The following PDE4A variants were observed in gnomAD, a reference collection of about 807,000 sequenced individuals.
PDE4A encodes 3',5'-cyclic-AMP phosphodiesterase 4A.
A neutral mutation model predicts 73.9 loss-of-function variants in PDE4A; 21 were observed. The ratio of observed to expected loss-of-function variants is 0.28; its 90% CI spans 0.20 to 0.41. PDE4A has a LOEUF of 0.41. Among genes scored for constraint, PDE4A ranks in the 10% least tolerant of loss-of-function variants. PDE4A has a pLI of 1.00. For missense variants in PDE4A, 958 were observed against 1,211.4 expected, an observed-to-expected ratio of 0.79 and a Z score of 3.10; for synonymous variants, 463 against 505.4, an observed-to-expected ratio of 0.92 and a Z score of 1.13.
Position 10,453,784 on chromosome 19 carries a change from G to C in PDE4A, c.784-1045G>C, listed in dbSNP as rs1292241275. On this transcript the variant is annotated intron_variant, in intron 6 of 14. Coordinates refer to ENST00000380702, the MANE Select transcript of PDE4A (RefSeq NM_001111307.2). The surrounding 1 kb of genome is among the most constrained non-coding windows in gnomAD (Gnocchi z 4.6). The stretch of plus-strand genomic sequence containing the variant: ...GATCTGTGTGTCTGGGCTGTGTGAC[G>C]CTGTGTAGGACTGAGAGCCTGTGAT... Among the ~76,000 whole-genome samples, 1 of 152,074 alleles carries C rather than the reference G, an allele frequency of 6.6e-6. No homozygotes were observed. Among genetic ancestry groups the C allele is most frequent in the Admixed American group, 6.6e-5 (1 of 15,254 alleles).
chr19:10,452,893 T>C, intron 6 of PDE4A: 1 of 363,256 alleles, frequency 2.8e-6, no homozygotes, highest in Non-Finnish European at 3.7e-6. Flanking sequence ...CCACCTGACA[T>C]CCCATGCAGC....
At chr19:10,431,062 G>T in intron 1 of PDE4A, 1 of 1,571,992 alleles carries the variant, frequency 6.4e-7, no homozygotes. Context: ...CAGGATTTGG[G>T]CCGCCAGGCT....
chr19:10,466,877 C>T lies in PDE4A; in HGVS notation c.1927-10C>T, dbSNP rs550208900. On this transcript the variant is annotated splice_polypyrimidine_tract_variant and intron_variant, in intron 14 of 14. Coordinates refer to ENST00000380702, the MANE Select transcript of PDE4A (RefSeq NM_001111307.2). The stretch of plus-strand genomic sequence containing the variant: ...AGGCCGCCCATTTATACTTTCTTCC[C>T]CTCCACCAGGTGGGTTTTATTGACT... 25 of 1,608,578 alleles carry T rather than the reference C, an allele frequency of 1.6e-5. No homozygotes were observed. In the East Asian group the frequency reaches 5.6e-4, roughly 36 times the overall value.
intron 1 of PDE4A, among the ~76,000 whole-genome samples, chr19:10,444,972 C>T (rs898923547): frequency 6.6e-6 from 1 of 152,096 alleles, no homozygotes; most frequent in African/African-American, 2.4e-5. Flanking sequence ...CTCACCCCGG[C>T]CTGTGTCTGA....
In PDE4A at chr19:10,459,684, G is replaced by A. The variant is rs959176993; in HGVS notation, c.1290G>A (p.Val430=). The A allele has an allele frequency of 2.5e-6, 4 of 1,614,070 alleles. No homozygotes were observed. In the African/African-American group the frequency reaches 4.0e-5, roughly 16 times the overall value. ...TGGAGGATCACTACCACGCTGACGT[G>A]GCCTACCATAACAGCCTGCACGCAG... ...LTLEDHYHAD[V]AYHNSLHAAD... Residue 430 remains valine (V), a synonymous_variant, in exon 10 of 15, where the codon GTG becomes GTA. Coordinates refer to ENST00000380702, the MANE Select transcript of PDE4A (RefSeq NM_001111307.2).
chr19:10,446,410 G>A lies in PDE4A; in HGVS notation c.512+1G>A, dbSNP rs2043005417. The A allele has an allele frequency of 1.2e-6, 2 of 1,602,908 alleles. No individual in the cohort carries two copies. Among genetic ancestry groups the A allele is most frequent in the Non-Finnish European group, 1.7e-6 (2 of 1,170,826 alleles). ...GGAACTCATCGGTCACCAGCGAGGC[G>A]TGAGCATCCTTCTCCCCACATGCCA... On this transcript the variant is annotated splice_donor_variant, in intron 2 of 14. Transcript: ENST00000380702. LOFTEE classifies it high-confidence loss of function.
intron 1 of PDE4A, among the ~76,000 whole-genome samples, chr19:10,443,472 G>C (rs2042964368): frequency 6.6e-6 from 1 of 151,668 alleles, no homozygotes; most frequent in Non-Finnish European, 1.5e-5. Context: ...TTAAGCCAGG[G>C]AGGTGGAGGT....
At chr19:10,444,513 A>T (rs1053529938) in intron 1 of PDE4A, among the ~76,000 whole-genome samples, 1 of 151,096 alleles carries the variant, frequency 6.6e-6, no homozygotes, top group African/African-American at 2.4e-5. Flanking sequence ...AAAAAAAAAA[A>T]GTATTATGGT....
chr19:10,438,302 G>A (rs1410061481), intron 1 of PDE4A, among the ~76,000 whole-genome samples: 3 of 151,780 alleles, frequency 2.0e-5, no homozygotes, highest in Middle Eastern at 3.4e-3. Context: ...TATTAGAGAC[G>A]GGGTTTCATC....
intron 1 of PDE4A, among the ~76,000 whole-genome samples, chr19:10,430,504 T>TG (rs1379773535): frequency 2.0e-5 from 3 of 152,024 alleles, no homozygotes; most frequent in Non-Finnish European, 4.4e-5. Flanking sequence ...GGGTGGCTCC[T>TG]GGGGCTTGTG....
At chr19:10,461,440 G>C (rs1294826657) in intron 11 of PDE4A, 86 bp from the exon 12 acceptor site, 33 of 1,566,224 alleles carry the variant, frequency 2.1e-5, no homozygotes, top group Non-Finnish European at 2.8e-5. Flanking sequence ...GCTGGGGAGG[G>C]GTTAGCTAGT....
chr19:10,432,555 C>A (rs1277673769), intron 1 of PDE4A: 1 of 1,524,436 alleles, frequency 6.6e-7, no homozygotes, highest in Non-Finnish European at 8.8e-7. Flanking sequence ...TCGGCACCCT[C>A]CGGGCAGATC....
chr19:10,460,883 T>C, intron 10 of PDE4A, 121 bp from the exon 11 acceptor site: 1 of 1,056,020 alleles, frequency 9.5e-7, no homozygotes, highest in Non-Finnish European at 1.3e-6. Context: ...CTTCTGGCCT[T>C]GAAGTCCTAG....
At chr19:10,428,962 A>C (rs1219351135) in intron 1 of PDE4A, 1 of 855,408 alleles carries the variant, frequency 1.2e-6, no homozygotes, top group African/African-American at 1.9e-5. Context: ...AAAATTTGCC[A>C]GGTATTGTGG....
chr19:10,461,372 G>A, intron 11 of PDE4A, 154 bp from the exon 12 acceptor site: 1 of 980,452 alleles, frequency 1.0e-6, no homozygotes, highest in Non-Finnish European at 1.2e-6. Context: ...TGGCTGGGCT[G>A]GAAAGGGGAT....
In PDE4A at chr19:10,453,398, G is replaced by C. The variant is rs1434688796; in HGVS notation, c.784-1431G>C. On this transcript the variant is annotated intron_variant, in intron 6 of 14. Transcript: ENST00000380702. This position sits in a 1 kb window ranked among gnomAD's most constrained non-coding sequence, Gnocchi z 4.6. ...CTGGGCCCCCGGTGTGGGCTTGTGT[G>C]TGCAGCTGTGCACGTGTGTGGCCTG... 3.2e-6 allele frequency: 5 copies of C among 1,539,538 alleles called. No homozygotes were observed. In the South Asian group the frequency reaches 6.0e-5, roughly 18 times the overall value.
At chr19:10,425,984 CAAAAAAAAAAAAAAA>C (rs1168197109) in intron 1 of PDE4A, among the ~76,000 whole-genome samples, 7 of 48,382 alleles carry the variant, frequency 1.4e-4, no homozygotes, top group Non-Finnish European at 1.9e-4. Flanking sequence ...GAGACCCTGT[CAAAAAAAAAAAAAAA>C]AAAAAAAAAA....
intron 1 of PDE4A, among the ~76,000 whole-genome samples, chr19:10,438,096 A>C (rs1023724371): frequency 1.9e-4 from 28 of 149,042 alleles, no homozygotes; most frequent in African/African-American, 6.9e-4. Flanking sequence ...GATGTGAGCC[A>C]CTTCACCCAG....
chr19:10,417,035 G>T (rs1038242163), upstream of PDE4A: 11 of 1,532,508 alleles, frequency 7.2e-6, no homozygotes, highest in Admixed American at 4.0e-5. Context: ...TTCGCCCCTT[G>T]GGGGAGACTA....
Sources: gnomAD v4.1 joint callset for allele counts (sites outside exome capture counted in the v4.1 genomes callset) on GRCh38, gnomAD v4.1.1 for gene constraint, Gnocchi (gnomAD v3.1) non-coding constraint, MANE v1.5 for transcripts, NCBI Gene and HGNC (gene_info 2026-07-23, HGNC 2026-07-21) for gene names.